Variants in COL5A2 observed in about 807,000 individuals in gnomAD.
COL5A2 encodes the protein collagen alpha-2(V) chain.
Under a neutral mutation model 208.2 loss-of-function variants are expected in COL5A2, and 23 were observed. The ratio of observed to expected loss-of-function variants is 0.11; its 90% CI spans 0.08 to 0.16. COL5A2 has a LOEUF of 0.16. Ranked by LOEUF, COL5A2 falls within the 10% of genes least tolerant of loss-of-function variation. COL5A2 has a pLI of 1.00. For missense variants in COL5A2, 1,590 were observed against 1,956.4 expected (o/e 0.81, Z 3.53); for synonymous variants, 625 against 628.5 (o/e 0.99, Z 0.08).
chr2:189,175,547 T>TC (rs1553524517), intron 1 of COL5A2, among the ~76,000 whole-genome samples: 1 of 149,444 alleles, frequency 6.7e-6, no homozygotes, highest in Non-Finnish European at 1.5e-5. Context: ...AAGAAAACTT[T>TC]TTTTTTTTTT....
intron 10 of COL5A2, among the ~76,000 whole-genome samples, 164 bp downstream of exon 10, chr2:189,085,555 G>A (rs921483690): frequency 1.3e-5 from 2 of 151,988 alleles, no homozygotes; most frequent in African/African-American, 4.8e-5. Flanking sequence ...TCTGCTATGA[G>A]AAACATATAG....
chr2:189,065,077 G>C lies in COL5A2; in HGVS notation c.1564-20C>G. 1.2e-6 allele frequency: 2 copies of C among 1,611,350 alleles called. No homozygotes were observed. The highest frequency in any genetic ancestry group is 1.7e-6 in the Non-Finnish European group (2 of 1,178,202). On this transcript the variant is annotated intron_variant, in intron 23 of 53. Transcript: ENST00000374866. ...AGCACCCTACAAATGACCAAAATGTGATTCTTAATTGTTGTTGATATTTTT... is the reference window on the plus strand; with the variant it reads ...AGCACCCTACAAATGACCAAAATGTCATTCTTAATTGTTGTTGATATTTTT...
At chr2:189,064,111 T>G in intron 25 of COL5A2, 78 bp from the exon 26 acceptor site, 1 of 1,142,314 alleles carries the variant, frequency 8.8e-7, no homozygotes, top group Admixed American at 1.8e-5. Context: ...AAAATAGTGT[T>G]GCATTTTTGT....
chr2:189,308,552 G>C, the COL5A2 span, among the ~76,000 whole-genome samples: 35 of 152,232 alleles, frequency 2.3e-4, no homozygotes, highest in African/African-American at 7.7e-4. Flanking sequence ...ATCCAGGAGA[G>C]AATTAACTTA....
At chr2:189,137,703 C>T (rs1205599004) in intron 1 of COL5A2, among the ~76,000 whole-genome samples, 5 of 151,996 alleles carry the variant, frequency 3.3e-5, no homozygotes, top group Middle Eastern at 3.4e-3. Flanking sequence ...GAGTTGGGGG[C>T]GGGGGATGGG....
chr2:189,065,167 G>C (rs1336713021), intron 23 of COL5A2, 110 bp from the exon 24 acceptor site: 2 of 949,676 alleles, frequency 2.1e-6, no homozygotes, highest in Admixed American at 2.0e-5. Context: ...CCATCATCAA[G>C]CCAACATGGC....
chr2:189,402,707 G>C, the COL5A2 span, among the ~76,000 whole-genome samples: 1 of 152,168 alleles, frequency 6.6e-6, no homozygotes, highest in Non-Finnish European at 1.5e-5. Context: ...GGTTGCAGGT[G>C]TGCAGTCTTA....
intron 1 of COL5A2, among the ~76,000 whole-genome samples, chr2:189,191,158 A>AAAAC (rs764677628): frequency 3.8e-5 from 5 of 130,738 alleles, no homozygotes; most frequent in Non-Finnish European, 6.5e-5. Flanking sequence ...AAAACAAAAA[A>AAAAC]CAAACAAACA....
At chr2:189,229,175 T>C (rs939492758), upstream of COL5A2, among the ~76,000 whole-genome samples, 2 of 151,712 alleles carry the variant, frequency 1.3e-5, no homozygotes, top group Non-Finnish European at 3.0e-5. Context: ...CAAGGTTATA[T>C]ACAACAAGTC....
chr2:189,328,355 C>G, the COL5A2 span, among the ~76,000 whole-genome samples: 1 of 152,082 alleles, frequency 6.6e-6, no homozygotes, highest in African/African-American at 2.4e-5. Flanking sequence ...TTTTTGGCAG[C>G]AAGTAGATAC....
chr2:189,064,678 C>A, intron 24 of COL5A2, 23 bp from the exon 25 acceptor site: 1 of 1,501,782 alleles, frequency 6.7e-7, no homozygotes, highest in Non-Finnish European at 9.3e-7. Context: ...AAAGCAGATG[C>A]ATGAAGAAAA....
chr2:189,339,485 A>G, the COL5A2 span, among the ~76,000 whole-genome samples: 3 of 152,192 alleles, frequency 2.0e-5, no homozygotes, highest in African/African-American at 7.2e-5. Flanking sequence ...TGTGCATAGC[A>G]GCATCTCTTA....
At chr2:189,268,488 T>C in the COL5A2 span, among the ~76,000 whole-genome samples, 1 of 152,042 alleles carries the variant, frequency 6.6e-6, no homozygotes, top group Non-Finnish European at 1.5e-5. Flanking sequence ...ACACCCTACA[T>C]CTGAGAAGTA....
intron 1 of COL5A2, among the ~76,000 whole-genome samples, chr2:189,123,465 G>A (rs1687548820): frequency 6.6e-6 from 1 of 152,036 alleles, no homozygotes; most frequent in African/African-American, 2.4e-5. Flanking sequence ...GGAATATGAT[G>A]GGCCCTTAAT....
chr2:189,384,624 C>A, the COL5A2 span, among the ~76,000 whole-genome samples: 2 of 151,736 alleles, frequency 1.3e-5, no homozygotes, highest in African/African-American at 4.8e-5. Context: ...ATTGTTTGAG[C>A]TTCTTATATA....
chr2:189,384,066 T>G, the COL5A2 span, among the ~76,000 whole-genome samples: 1 of 152,184 alleles, frequency 6.6e-6, no homozygotes, highest in Admixed American at 6.5e-5. Flanking sequence ...TTTCCATTCA[T>G]GTTTTTGCAA....
At chr2:189,264,578 C>G in the COL5A2 span, among the ~76,000 whole-genome samples, 1 of 152,000 alleles carries the variant, frequency 6.6e-6, no homozygotes, top group South Asian at 2.1e-4. Context: ...TACAGTAAAT[C>G]AGAATGGTGG....
At chr2:189,256,017 C>T in the COL5A2 span, among the ~76,000 whole-genome samples, 1 of 152,264 alleles carries the variant, frequency 6.6e-6, no homozygotes, top group South Asian at 2.1e-4. Flanking sequence ...TGATTATGAC[C>T]TTCAGCATTT....
At chr2:189,143,788 G>A (rs1687982129) in intron 1 of COL5A2, among the ~76,000 whole-genome samples, 2 of 152,200 alleles carry the variant, frequency 1.3e-5, no homozygotes, top group South Asian at 4.2e-4. Flanking sequence ...GGGGAAACAG[G>A]TCTTAAACTG....
Sources: allele counts gnomAD v4.1 joint callset (sites outside exome capture counted in the v4.1 genomes callset), GRCh38; gene constraint gnomAD v4.1.1; transcripts MANE v1.5; gene names NCBI Gene and HGNC (gene_info 2026-07-23, HGNC 2026-07-21).